Variants in KCNN3 observed in about 807,000 individuals in gnomAD.
The protein encoded by KCNN3 is potassium calcium-activated channel subfamily N member 3, also known as small conductance calcium-activated potassium channel protein 3.
A neutral mutation model predicts 62.9 loss-of-function variants in KCNN3; 16 were observed. That is an observed-to-expected ratio of 0.25 (90% confidence interval 0.17 to 0.39). KCNN3 has a LOEUF of 0.39. KCNN3 is among the 10% of genes least tolerant of loss of function. KCNN3 has a pLI of 1.00. For synonymous variants in KCNN3, 370 were observed against 389.2 expected (o/e 0.95, Z 0.58); for missense variants, 599 against 949.4 (o/e 0.63, Z 4.85).
At position 154,699,797 on chromosome 1, in the gene KCNN3, T is replaced by C. The variant is rs1017030997; in HGVS notation, c.*8179A>G. On this transcript the variant is annotated 3_prime_UTR_variant, in exon 8 of 8. Transcript: ENST00000271915. ...GGATCGAGAAACACAACAATTTCTG[T>C]ACTATGCTAAGCAGAGACTCCTGTA... 3 of 152,094 alleles carry C rather than the reference T, an allele frequency of 2.0e-5. No individual in the cohort carries two copies. Among genetic ancestry groups the C allele is most frequent in the Non-Finnish European group, 4.4e-5 (3 of 68,020 alleles). The allele number at this position is 152,094 out of a possible 1,614,324, so 9.4% of individuals were successfully genotyped here.
chr1:154,753,563 G>A (rs1468216506), intron 3 of KCNN3, among the ~76,000 whole-genome samples: 1 of 152,190 alleles, frequency 6.6e-6, no homozygotes, highest in Non-Finnish European at 1.5e-5. Context: ...CCTGCCACAG[G>A]CGATCGGGGT....
intron 1 of KCNN3, among the ~76,000 whole-genome samples, chr1:154,844,262 A>G (rs1651953738): frequency 6.6e-6 from 1 of 152,242 alleles, no homozygotes; most frequent in South Asian, 2.1e-4. Context: ...TAGACTTTAT[A>G]AAGCAATTTT....
intron 3 of KCNN3, among the ~76,000 whole-genome samples, chr1:154,758,877 G>C (rs1235802912): frequency 6.6e-6 from 1 of 151,396 alleles, no homozygotes; most frequent in Non-Finnish European, 1.5e-5. Context: ...GTGTGATCTC[G>C]GCTCACTGCA....
Position 154,725,997 on chromosome 1 carries a change from G to A in KCNN3, c.1620C>T (p.Ala540=), listed in dbSNP as rs766456980. ...MGAGCTALVV[A]VVARKLELTK... is the part of the protein sequence containing the mutation. Reference sequence around the variant, plus strand: ...TGAGTTCCAGCTTTCGGGCCACCACGGCCACCACAAGGGCAGTGCAGCCTG... The same window carrying A: ...TGAGTTCCAGCTTTCGGGCCACCACAGCCACCACAAGGGCAGTGCAGCCTG... The change falls in exon 5 of 8, where the codon GCC becomes GCT. Residue 540 remains alanine, a synonymous_variant. Transcript: ENST00000271915. The A allele has an allele frequency of 5.6e-6, 9 of 1,613,922 alleles. No homozygotes were observed. The highest frequency in any genetic ancestry group is 3.3e-5 in the Admixed American group (2 of 59,990).
intron 2 of KCNN3, among the ~76,000 whole-genome samples, chr1:154,813,171 G>C (rs1650500259): frequency 6.6e-6 from 1 of 151,886 alleles, no homozygotes; most frequent in Non-Finnish European, 1.5e-5. Context: ...AGGGTTGCTG[G>C]GGTGGGAGCC....
intron 1 of KCNN3, among the ~76,000 whole-genome samples, chr1:154,847,610 T>C (rs1341672603): frequency 1.3e-5 from 2 of 152,204 alleles, no homozygotes; most frequent in Non-Finnish European, 2.9e-5. Context: ...TTCTTCTGAA[T>C]ATCCTAGGAT....
rs117620589 is a variant in KCNN3 at position 154,724,277 on chromosome 1, C to G, written c.1701+1639G>C. ...GCTCCCTCTGTCATTCTCTCTCTCT[C>G]TCTTTTTGTTCTTCCTTCCTGCCGT... On this transcript the variant is annotated intron_variant, in intron 5 of 7. Transcript: ENST00000271915. Among the ~76,000 whole-genome samples the G allele has an allele frequency of 1.7e-3, 261 of 152,354 alleles. 6 individuals are homozygous for G. The East Asian group carries it at 0.041, about 24-fold the overall frequency.
At chr1:154,794,860 T>C (rs1187231644) in intron 2 of KCNN3, among the ~76,000 whole-genome samples, 3 of 152,172 alleles carry the variant, frequency 2.0e-5, no homozygotes, top group African/African-American at 7.2e-5. Context: ...GTAGCGAGCC[T>C]GTCACACATT....
At chr1:154,763,842 T>C (rs985649277) in intron 3 of KCNN3, among the ~76,000 whole-genome samples, 1 of 152,248 alleles carries the variant, frequency 6.6e-6, no homozygotes, top group Non-Finnish European at 1.5e-5. Flanking sequence ...TGTTTGTTTA[T>C]AGGCTACAAA....
At chr1:154,756,275 C>T (rs953787338) in intron 3 of KCNN3, among the ~76,000 whole-genome samples, 3 of 131,666 alleles carry the variant, frequency 2.3e-5, no homozygotes, top group Non-Finnish European at 3.2e-5. Context: ...AAGAAGACGA[C>T]GACGATGAAA....
chr1:154,837,308 T>TC (rs1179546766), intron 1 of KCNN3, among the ~76,000 whole-genome samples: 15 of 152,108 alleles, frequency 9.9e-5, no homozygotes, highest in African/African-American at 3.6e-4. Flanking sequence ...TTTGTGTTTT[T>TC]CTTTTTTTTG....
At chr1:154,712,029 AG>A (rs1412168303) in intron 7 of KCNN3, among the ~76,000 whole-genome samples, 14 of 151,902 alleles carry the variant, frequency 9.2e-5, no homozygotes, top group Non-Finnish European at 1.8e-4. Context: ...AGAGAGAGAC[AG>A]GGAAAGGGAG....
intron 1 of KCNN3, among the ~76,000 whole-genome samples, chr1:154,836,767 C>G (rs144366751): frequency 6.6e-6 from 1 of 152,196 alleles, no homozygotes; most frequent in African/African-American, 2.4e-5. Flanking sequence ...GGCTGGAGCC[C>G]GAGAGCCGCC....
chr1:154,727,186 C>A (rs1182491051), intron 4 of KCNN3, among the ~76,000 whole-genome samples: 2 of 152,186 alleles, frequency 1.3e-5, no homozygotes, highest in African/African-American at 4.8e-5. Flanking sequence ...CCCTGACCAC[C>A]ACTCATGGAA....
intron 3 of KCNN3, among the ~76,000 whole-genome samples, chr1:154,738,294 G>A (rs1700755244): frequency 6.6e-6 from 1 of 152,160 alleles, no homozygotes; most frequent in South Asian, 2.1e-4. Context: ...CTTTTTGACA[G>A]CAACACTGGA....
intron 2 of KCNN3, among the ~76,000 whole-genome samples, chr1:154,794,896 G>T (rs1205211224): frequency 6.6e-6 from 1 of 152,160 alleles, no homozygotes; most frequent in Non-Finnish European, 1.5e-5. Flanking sequence ...GAGGAGGCAG[G>T]GAGCTCGTTT....
chr1:154,811,619 C>A (rs542317696), intron 2 of KCNN3, among the ~76,000 whole-genome samples: 90 of 152,246 alleles, frequency 5.9e-4, no homozygotes, highest in Middle Eastern at 3.4e-3. Context: ...GCATCGAATT[C>A]TTTAATTCAA....
At chr1:154,714,060 G>GGTT (rs1700137296) in intron 6 of KCNN3, among the ~76,000 whole-genome samples, 1 of 20,268 alleles carries the variant, frequency 4.9e-5, no homozygotes, top group African/African-American at 2.1e-4. Context: ...GGGTGTGTGT[G>GGTT]TGTGTGGTGT....
chr1:154,738,959 A>G (rs572725913), intron 3 of KCNN3, among the ~76,000 whole-genome samples: 11 of 152,358 alleles, frequency 7.2e-5, no homozygotes, highest in Middle Eastern at 3.4e-3. Context: ...TATAAAAGGA[A>G]GATGAAGGGA....
Sources: gnomAD v4.1 joint callset for allele counts (sites outside exome capture counted in the v4.1 genomes callset) on GRCh38, gnomAD v4.1.1 for gene constraint, MANE v1.5 for transcripts, NCBI Gene and HGNC (gene_info 2026-07-23, HGNC 2026-07-21) for gene names.